PNPLA6: variants seen among roughly 807,000 people sequenced by gnomAD.
PNPLA6 encodes the protein patatin like domain 6, lysophospholipase, also known as patatin-like phospholipase domain-containing protein 6.
In PNPLA6, 105 loss-of-function variants were observed where a neutral mutation model predicts 153.7. That is an observed-to-expected ratio of 0.68 (90% CI 0.58 to 0.80). The LOEUF (loss-of-function observed/expected upper bound fraction) is 0.80. PNPLA6 is among the 30% of genes least tolerant of loss of function. PNPLA6 has a pLI of 0.00. For synonymous variants in PNPLA6, 825 were observed against 822.2 expected (o/e 1.00, Z -0.06); for missense variants, 1,423 against 1,919.3 (o/e 0.74, Z 4.83).
rs1315701025 is a variant in PNPLA6 at position 7,553,870 on chromosome 19, A to C, written c.2261-5A>C. ...CACAAATCTCATCCATTGGGTTCTT[A>C]GCAGGCTCTGGGTTGGGTGTGCCCC... On this transcript the variant is annotated splice_polypyrimidine_tract_variant and splice_region_variant and intron_variant, in intron 18 of 31. Coordinates refer to ENST00000600737, the MANE Select transcript of PNPLA6 (RefSeq NM_001166114.2). 1.2e-6 allele frequency: 2 copies of C among 1,614,096 alleles called. No individual in the cohort carries two copies. The highest frequency in any genetic ancestry group is 2.7e-5 in the African/African-American group (2 of 74,928).
At position 7,553,973 on chromosome 19, in the gene PNPLA6, G is replaced by A. The variant is rs145988230; in HGVS notation, c.2359G>A (p.Val787Met). The change falls in exon 19 of 32, where the codon GTG (valine) becomes ATG (methionine). Residue 787 changes from valine to methionine, a missense_variant. Coordinates refer to ENST00000600737, the MANE Select transcript of PNPLA6 (RefSeq NM_001166114.2). ...ILPVCAEVPM[V>M]AFTLELQHAL... Reference sequence around the variant, plus strand: ...GCCTGTGTGTGCTGAGGTCCCCATGGTGGCCTTCACGCTGGAGCTGCAGCA... The same window carrying A: ...GCCTGTGTGTGCTGAGGTCCCCATGATGGCCTTCACGCTGGAGCTGCAGCA... 2.2e-3 allele frequency: 3,507 copies of A among 1,614,138 alleles called. 4 individuals are homozygous for A. The highest frequency in any genetic ancestry group is 2.6e-3 in the Non-Finnish European group (3,086 of 1,180,028).
chr19:7,551,822 C>T (rs2023665559), intron 18 of PNPLA6, among the ~76,000 whole-genome samples: 1 of 152,002 alleles, frequency 6.6e-6, no homozygotes, highest in East Asian at 1.9e-4. Flanking sequence ...ATGGCAGGGC[C>T]GTCATGGTGG....
At chr19:7,543,666 G>T (rs1568410943) in intron 13 of PNPLA6, among the ~76,000 whole-genome samples, 1 of 152,136 alleles carries the variant, frequency 6.6e-6, no homozygotes, top group East Asian at 1.9e-4. Context: ...AGGAGGAGGA[G>T]GAAGAAGAAG....
At position 7,561,312 on chromosome 19, in the gene PNPLA6, G is replaced by A. The variant is rs376402887; in HGVS notation, c.4018G>A (p.Glu1340Lys). Residue 1340 changes from glutamate (E) to lysine (K), a missense_variant, in exon 31 of 32, where the codon GAG (glutamate) becomes AAG (lysine). Glu to Lys is a moderately conservative substitution (Grantham distance 56, BLOSUM62 1). Coordinates refer to ENST00000600737, the MANE Select transcript of PNPLA6 (RefSeq NM_001166114.2). ...GGGCGCAAGCCCCAGCACTGCCTCC[G>A]AGATGGTGAGAGTGGGTGGCCCAGG... ...PEGASPSTASEMEEEKSILRQ... is the reference protein window; with the variant it reads ...PEGASPSTASKMEEEKSILRQ... 4.8e-5 allele frequency: 77 copies of A among 1,598,216 alleles called. No homozygotes were observed. Among genetic ancestry groups the A allele is most frequent in the African/African-American group, 1.5e-4 (11 of 74,748 alleles).
chr19:7,551,194 A>G (rs1273007198), intron 17 of PNPLA6, 87 bp downstream of exon 17: 5 of 404,882 alleles, frequency 1.2e-5, no homozygotes, highest in Admixed American at 6.7e-5. Context: ...CGGGGCTTAC[A>G]GAGGGGCGGG....
In PNPLA6 at chr19:7,555,494, G is replaced by T; in HGVS notation, c.2937-113G>T. The T allele has an allele frequency of 7.3e-7, 1 of 1,375,186 alleles. No homozygotes were observed. Among genetic ancestry groups the T allele is most frequent in the Non-Finnish European group, 1.0e-6 (1 of 997,718 alleles). The allele number at this position is 1,375,186 out of a possible 1,614,324, so 85.2% of individuals were successfully genotyped here. A position where few individuals can be genotyped will look rare whatever the true frequency, so the allele number is the denominator to read the frequency against. On this transcript the variant is annotated intron_variant, in intron 23 of 31. Transcript: ENST00000600737. This position sits in a 1 kb window ranked among gnomAD's most constrained non-coding sequence, Gnocchi z 6.3. ...GCTTCCCCTCCGGGAGAGACCCCGT[G>T]GGTAGGGGCGGGTCCTTTGTTCCTT... is the stretch of plus-strand genomic sequence containing the variant.
rs780907758 is a variant in PNPLA6, at chr19:7,535,788, G to A, written c.-1G>A. The A allele has an allele frequency of 3.9e-6, 6 of 1,535,838 alleles. No individual in the cohort carries two copies. In the South Asian group the frequency reaches 7.1e-5, roughly 18 times the overall value. On this transcript the variant is annotated 5_prime_UTR_variant, in exon 1 of 32. Coordinates refer to ENST00000600737, the MANE Select transcript of PNPLA6 (RefSeq NM_001166114.2). This position sits in a 1 kb window ranked among gnomAD's most constrained non-coding sequence, Gnocchi z 5.0. ...GGGAGCAGCACTGGCCCATTCTGCA[G>A]ATGGGGACATCGAGTCACGGGCTGG...
At position 7,543,853 on chromosome 19, in the gene PNPLA6, C is replaced by T. The variant is rs146189653; in HGVS notation, c.1608+769C>T. On this transcript the variant is annotated intron_variant, in intron 13 of 31. Transcript: ENST00000600737. Reference sequence around the variant, plus strand: ...TGAGACGGAGTCTCGCTCTGTCACCCAGGCTGGAGTGCTGCAGTGGCGTGA... The same window carrying T: ...TGAGACGGAGTCTCGCTCTGTCACCTAGGCTGGAGTGCTGCAGTGGCGTGA... 3.7e-4 allele frequency among the ~76,000 whole-genome samples: 56 copies of T among 151,668 alleles called. 1 individual carries two copies. In the East Asian group the frequency reaches 0.01, roughly 28 times the overall value.
upstream of PNPLA6, chr19:7,535,588 G>C (rs764534459): frequency 1.9e-6 from 3 of 1,603,460 alleles, no homozygotes; most frequent in Admixed American, 5.1e-5. This position sits in a 1 kb window ranked among gnomAD's most constrained non-coding sequence, Gnocchi z 5.0. Flanking sequence ...GTAAGGGGTG[G>C]GGCGGAGACC....
intron 18 of PNPLA6, among the ~76,000 whole-genome samples, chr19:7,552,755 CAAAAAAAAAAAAAGAAAGA>C (rs1257676311): frequency 6.8e-5 from 3 of 43,928 alleles, no homozygotes; most frequent in Admixed American, 3.4e-4. Context: ...AACTCCATCT[CAAAAAAAAAAAAAGAAAGA>C]AAAAAAAAAA....
chr19:7,560,907 T>C, intron 29 of PNPLA6, 107 bp from the exon 30 acceptor site: 1 of 858,228 alleles, frequency 1.2e-6, no homozygotes, highest in Non-Finnish European at 1.9e-6. Context: ...CTTCAGAGAG[T>C]TCCCACCCTA....
chr19:7,540,050 G>A lies in PNPLA6; in HGVS notation c.546G>A (p.Lys182=). 1 of 1,613,702 alleles carries A rather than the reference G, an allele frequency of 6.2e-7. No homozygotes were observed. Among genetic ancestry groups the A allele is most frequent in the East Asian group, 2.2e-5 (1 of 44,870 alleles). ...HLPSEVLYML[K]NVRVLGHFEK... ...CCTCTGAAGTGCTTTATATGCTCAA[G>A]AACGTCCGGTCAGTGTTGGGGTGCA... The change falls in exon 4 of 32, where the codon AAG becomes AAA. Residue 182 remains lysine, a synonymous_variant. Transcript: ENST00000600737. The surrounding 1 kb of genome is among the most constrained non-coding windows in gnomAD (Gnocchi z 6.8).
At chr19:7,554,843 G>T in intron 21 of PNPLA6, 50 bp from the exon 22 acceptor site, 2 of 1,569,946 alleles carry the variant, frequency 1.3e-6, no homozygotes, top group East Asian at 2.3e-5. Context: ...CCCAGGTGTG[G>T]CCAGGTGGTG....
At chr19:7,551,321 T>C (rs1228318699) in intron 17 of PNPLA6, 41 bp from the exon 18 acceptor site, 1 of 1,595,642 alleles carries the variant, frequency 6.3e-7, no homozygotes, top group Non-Finnish European at 8.6e-7. Flanking sequence ...GGACAGCCGC[T>C]TCCCAGGTCT....
upstream of PNPLA6, chr19:7,534,213 G>C (rs542355619): frequency 1.8e-5 from 6 of 334,532 alleles, no homozygotes; most frequent in Non-Finnish European, 2.8e-5. Flanking sequence ...GTGTTGGCGC[G>C]GAGTGGACCC....
At chr19:7,549,437 C>T (rs1225707959) in intron 13 of PNPLA6, among the ~76,000 whole-genome samples, 2 of 151,154 alleles carry the variant, frequency 1.3e-5, no homozygotes, top group Non-Finnish European at 1.5e-5. Context: ...CCGCCTGCCT[C>T]GGCCTCCCAA....
chr19:7,547,273 G>C (rs1166773502), intron 13 of PNPLA6, among the ~76,000 whole-genome samples: 2 of 152,068 alleles, frequency 1.3e-5, no homozygotes, highest in Non-Finnish European at 2.9e-5. Context: ...CCAAAGCAGC[G>C]GCACCATTTT....
At chr19:7,544,391 C>T (rs943485362) in intron 13 of PNPLA6, among the ~76,000 whole-genome samples, 2 of 152,222 alleles carry the variant, frequency 1.3e-5, no homozygotes, top group Non-Finnish European at 1.5e-5. Flanking sequence ...GGATTACAGG[C>T]ATGAACCACT....
chr19:7,552,282 C>T (rs1467178872), intron 18 of PNPLA6, among the ~76,000 whole-genome samples: 1 of 152,070 alleles, frequency 6.6e-6, no homozygotes, highest in East Asian at 1.9e-4. Flanking sequence ...ATGGGGCGTG[C>T]GGTGGGGTTG....
Sources: gnomAD v4.1 joint callset for allele counts (sites outside exome capture counted in the v4.1 genomes callset) on GRCh38, gnomAD v4.1.1 for gene constraint, Gnocchi (gnomAD v3.1) non-coding constraint, MANE v1.5 for transcripts, NCBI Gene and HGNC (gene_info 2026-07-23, HGNC 2026-07-21) for gene names.